NAA11: variants seen among roughly 807,000 people sequenced by gnomAD.
The protein encoded by NAA11 is N-alpha-acetyltransferase 11, NatA catalytic subunit, also known as N-alpha-acetyltransferase 11.
A neutral mutation model predicts 16.1 loss-of-function variants in NAA11; 15 were observed. The observed-to-expected ratio is 0.93, with a 90% CI of 0.62 to 1.44. The LOEUF is 1.44. NAA11 is among the 40% of genes most tolerant of loss of function. The pLI is 0.00. For synonymous variants in NAA11, 122 were observed against 112.4 expected (o/e 1.09, Z -0.54); for missense variants, 298 against 291.3 (o/e 1.02, Z -0.17).
At chr4:79,204,920 G>T in the NAA11 span, among the ~76,000 whole-genome samples, 1 of 49,404 alleles carries the variant, frequency 2.0e-5, no homozygotes, top group South Asian at 9.2e-4. Flanking sequence ...AATATTCCAT[G>T]GTGTGTATAC....
chr4:79,161,523 A>G, the NAA11 span, among the ~76,000 whole-genome samples: 2 of 152,236 alleles, frequency 1.3e-5, no homozygotes, highest in African/African-American at 2.4e-5. Flanking sequence ...ATTTTAATGT[A>G]AATTTTAGTA....
At chr4:79,231,986 A>G (rs1192196728) in intron 2 of NAA11, among the ~76,000 whole-genome samples, 1 of 151,840 alleles carries the variant, frequency 6.6e-6, no homozygotes, top group African/African-American at 2.4e-5. Flanking sequence ...ATTTAGTGAC[A>G]TTAAAAATTT....
chr4:79,299,220 T>C (rs1340048880), intron 1 of NAA11: 2 of 152,236 alleles, frequency 1.3e-5, no homozygotes, highest in African/African-American at 4.8e-5. Context: ...ATTTACTTGC[T>C]ATATTTTACC....
the NAA11 span, among the ~76,000 whole-genome samples, chr4:79,172,460 C>A: frequency 1.3e-5 from 2 of 152,142 alleles, no homozygotes; most frequent in East Asian, 1.9e-4. Flanking sequence ...TTAAACACTT[C>A]CCTACAGATG....
At chr4:79,258,525 C>G (rs549683907) in intron 2 of NAA11, among the ~76,000 whole-genome samples, 11 of 152,346 alleles carry the variant, frequency 7.2e-5, no homozygotes, top group Admixed American at 5.2e-4. Context: ...CCCCTGCTGC[C>G]TTGGCCCCTT....
chr4:79,308,048 T>G (rs919008830), intron 1 of NAA11, among the ~76,000 whole-genome samples: 2 of 152,140 alleles, frequency 1.3e-5, no homozygotes, highest in Admixed American at 6.6e-5. Context: ...GGGAAACTAG[T>G]GCTCTCTCAT....
chr4:79,202,884 C>A, the NAA11 span, among the ~76,000 whole-genome samples: 10 of 150,702 alleles, frequency 6.6e-5, no homozygotes, highest in Non-Finnish European at 1.5e-4. Flanking sequence ...GGTAAACCTA[C>A]AATCTTTCTA....
chr4:79,298,181 G>T (rs1723280735), intron 1 of NAA11, among the ~76,000 whole-genome samples: 1 of 152,184 alleles, frequency 6.6e-6, no homozygotes. Context: ...GCCCCCTGCA[G>T]GTCTCCCCTG....
chr4:79,311,874 G>A (rs556229433), downstream of NAA11, among the ~76,000 whole-genome samples: 1 of 152,268 alleles, frequency 6.6e-6, no homozygotes, highest in African/African-American at 2.4e-5. Context: ...TTAGATTATT[G>A]CCTTTCAAGG....
At chr4:79,309,694 T>C (rs944638240) in intron 1 of NAA11, among the ~76,000 whole-genome samples, 1 of 150,326 alleles carries the variant, frequency 6.7e-6, no homozygotes, top group Non-Finnish European at 1.5e-5. Flanking sequence ...ATTCTTATTC[T>C]ATTGGTGTTT....
At chr4:79,261,998 T>C (rs1460928209) in intron 2 of NAA11, among the ~76,000 whole-genome samples, 3 of 152,142 alleles carry the variant, frequency 2.0e-5, no homozygotes, top group African/African-American at 7.2e-5. Context: ...CAAAAGACTA[T>C]TAAAACATTA....
In NAA11 at chr4:79,252,170, T is replaced by C. The variant is rs371989066; in HGVS notation, c.*123-25900A>G. Among the ~76,000 whole-genome samples, 90 of 152,260 alleles carry C rather than the reference T, an allele frequency of 5.9e-4. 3 individuals are homozygous for C. In the South Asian group the frequency reaches 6.8e-3, roughly 12 times the overall value. Reference sequence around the variant, plus strand: ...ACTGAGAGAGTGCAATGATAGACAATTTAGAGACTCTAAAAGACGGGATGG... The same window carrying C: ...ACTGAGAGAGTGCAATGATAGACAACTTAGAGACTCTAAAAGACGGGATGG... On this transcript the variant is annotated intron_variant and NMD_transcript_variant, in intron 2 of 2. Coordinates refer to the NAA11 transcript ENST00000511542.
chr4:79,204,928 T>TATACACACACAC, the NAA11 span, among the ~76,000 whole-genome samples: 8 of 147,780 alleles, frequency 5.4e-5, no homozygotes, highest in South Asian at 2.2e-4. Flanking sequence ...ATGGTGTGTA[T>TATACACACACAC]ACACACACAC....
At chr4:79,275,423 G>A (rs1722625790) in intron 2 of NAA11, among the ~76,000 whole-genome samples, 1 of 152,048 alleles carries the variant, frequency 6.6e-6, no homozygotes, top group Non-Finnish European at 1.5e-5. Flanking sequence ...AATTGAGGCA[G>A]ATTTTTTCGC....
At chr4:79,202,828 G>A in the NAA11 span, among the ~76,000 whole-genome samples, 12 of 150,252 alleles carry the variant, frequency 8.0e-5, no homozygotes, top group African/African-American at 2.2e-4. Flanking sequence ...TATTAGAGCC[G>A]TACAATCATT....
the NAA11 span, among the ~76,000 whole-genome samples, chr4:79,213,998 G>A: frequency 1.3e-5 from 2 of 152,108 alleles, no homozygotes; most frequent in East Asian, 3.9e-4. Flanking sequence ...ATATTTTCAG[G>A]AATTTTGCAT....
the NAA11 span, among the ~76,000 whole-genome samples, chr4:79,220,284 C>T: frequency 3.7e-4 from 56 of 152,140 alleles, no homozygotes; most frequent in South Asian, 5.2e-3. Flanking sequence ...GTAGAGACGG[C>T]GTTTCGCCAT....
At chr4:79,304,150 CTTTA>C (rs1389113677) in intron 1 of NAA11, among the ~76,000 whole-genome samples, 2 of 151,988 alleles carry the variant, frequency 1.3e-5, no homozygotes, top group Non-Finnish European at 2.9e-5. Flanking sequence ...TGAGAAGATC[CTTTA>C]TTTAGCCAAA....
chr4:79,267,102 T>C (rs1722371253), intron 2 of NAA11, among the ~76,000 whole-genome samples: 1 of 152,174 alleles, frequency 6.6e-6, no homozygotes. Context: ...TAGATATAAA[T>C]ATAGTCAAGA....
Sources: gnomAD v4.1 joint callset for allele counts (sites outside exome capture counted in the v4.1 genomes callset) on GRCh38, gnomAD v4.1.1 for gene constraint, MANE v1.5 for transcripts, NCBI Gene and HGNC (gene_info 2026-07-23, HGNC 2026-07-21) for gene names.